Variants in ELP1 observed in about 807,000 individuals in gnomAD.
ELP1 encodes the protein elongator complex protein 1.
ELP1 carries 131 observed loss-of-function variants against 183.2 expected under a neutral mutation model. The ratio of observed to expected loss-of-function variants is 0.72; its 90% CI spans 0.62 to 0.83. ELP1 has a LOEUF of 0.83. ELP1 is among the 40% of genes least tolerant of loss of function. The probability of loss-of-function intolerance (pLI) is 0.00; values close to 1 mark genes in which losing one functional copy is unlikely to be tolerated. For synonymous variants in ELP1, 555 were observed against 569.0 expected, an observed-to-expected ratio of 0.98 and a Z score of 0.35; for missense variants, 1,550 against 1,594.9, an observed-to-expected ratio of 0.97 and a Z score of 0.48.
chr9:108,905,895 A>T (rs1429798367), intron 14 of ELP1, among the ~76,000 whole-genome samples: 1 of 136,986 alleles, frequency 7.3e-6, no homozygotes, highest in Non-Finnish European at 1.6e-5. Flanking sequence ...ACACACACAC[A>T]CACATATATG....
chr9:108,916,431 C>T (rs1387839540), intron 9 of ELP1, 134 bp from the exon 10 acceptor site: 2 of 741,218 alleles, frequency 2.7e-6, no homozygotes, highest in Non-Finnish European at 4.8e-6. Flanking sequence ...AATCACTAAC[C>T]TACAGAGGCA....
intron 18 of ELP1, 107 bp downstream of exon 18, chr9:108,901,318 G>C (rs1238148854): frequency 1.3e-6 from 1 of 766,124 alleles, no homozygotes; most frequent in Non-Finnish European, 2.3e-6. Context: ...CTCCAGCCTA[G>C]GACTCCTTGA....
At chr9:108,897,400 A>G (rs1039394623) in intron 22 of ELP1, 115 bp from the exon 23 acceptor site, 47 of 1,063,336 alleles carry the variant, frequency 4.4e-5, no homozygotes, top group Non-Finnish European at 6.6e-5. Flanking sequence ...TTTGGAAAAG[A>G]GTTGAATTAT....
At chr9:108,930,298 C>A (rs994129339) in intron 2 of ELP1, among the ~76,000 whole-genome samples, 11 of 152,306 alleles carry the variant, frequency 7.2e-5, no homozygotes, top group African/African-American at 2.6e-4. Flanking sequence ...GGGACCATAT[C>A]AAAACCAACC....
At chr9:108,888,169 A>G (rs1037165723) in intron 29 of ELP1, among the ~76,000 whole-genome samples, 1 of 152,182 alleles carries the variant, frequency 6.6e-6, no homozygotes, top group Non-Finnish European at 1.5e-5. Flanking sequence ...ACTACATACC[A>G]TATGGTTCTG....
At chr9:108,871,882 CTGCTGGCAT>C (rs1827471789) in intron 36 of ELP1, among the ~76,000 whole-genome samples, 1 of 152,206 alleles carries the variant, frequency 6.6e-6, no homozygotes, top group Non-Finnish European at 1.5e-5. Flanking sequence ...GTTTTCATGC[CTGCTGGCAT>C]AACTGCAGTG....
rs1410534323 is a variant in ELP1 at position 108,906,449 on chromosome 9, G to A, written c.1497C>T (p.Asn499=). ...QFENNEDQDV[N]PLKLGLLTWI... ...AAGTGAGAAGGCCTAGTTTCAGCGG[G>A]TTTACATCTTGATCTTCATTATTCT... Residue 499 remains asparagine (N), a synonymous_variant, in exon 14 of 37, where the codon AAC becomes AAT. Transcript: ENST00000374647. 1 of 1,613,774 alleles carries A rather than the reference G, an allele frequency of 6.2e-7. No individual in the cohort carries two copies. The highest frequency in any genetic ancestry group is 1.3e-5 in the African/African-American group (1 of 74,894).
At chr9:108,897,877 T>C (rs907464497) in intron 22 of ELP1, among the ~76,000 whole-genome samples, 1 of 152,164 alleles carries the variant, frequency 6.6e-6, no homozygotes, top group Non-Finnish European at 1.5e-5. Context: ...AGTGGCACAC[T>C]TAAGATTTGG....
chr9:108,908,783 A>C (rs953451724), intron 12 of ELP1, among the ~76,000 whole-genome samples: 4 of 152,220 alleles, frequency 2.6e-5, no homozygotes, highest in African/African-American at 9.6e-5. Flanking sequence ...GCAAGCCTTT[A>C]AAAAATTCAG....
rs1297053650 is a variant in ELP1 at position 108,906,467 on chromosome 9, A to G, written c.1479T>C (p.Asn493=). The G allele has an allele frequency of 6.2e-7, 1 of 1,613,646 alleles. No homozygotes were observed. The highest frequency in any genetic ancestry group is 1.3e-5 in the African/African-American group (1 of 74,912). ...TCAGCGGGTTTACATCTTGATCTTC[A>G]TTATTCTCAAACTGGATTCTATTGT... ...EKRYKIQFEN[N]EDQDVNPLKL... is the part of the protein sequence containing the mutation. The change falls in exon 14 of 37, where the codon AAT becomes AAC. Residue 493 remains asparagine (N), a synonymous_variant. Transcript: ENST00000374647.
In ELP1 at chr9:108,917,530, C is replaced by T. The variant is rs1829486519; in HGVS notation, c.864+17G>A. ...AAGTCCTCTACATTCGAGGGTGAAA[C>T]AAACTCAGGCACTTACCTTAACCTC... On this transcript the variant is annotated intron_variant, in intron 9 of 36. Coordinates refer to ENST00000374647, the MANE Select transcript of ELP1 (RefSeq NM_003640.5). 1 of 1,608,818 alleles carries T rather than the reference C, an allele frequency of 6.2e-7. No homozygotes were observed. The highest frequency in any genetic ancestry group is 1.1e-5 in the South Asian group (1 of 90,966).
At chr9:108,914,696 T>A (rs903709227) in intron 10 of ELP1, among the ~76,000 whole-genome samples, 4 of 152,134 alleles carry the variant, frequency 2.6e-5, no homozygotes, top group Non-Finnish European at 4.4e-5. Flanking sequence ...CGATCTCCAT[T>A]CACTGCAAGC....
At chr9:108,928,557 C>T (rs757896494) in intron 3 of ELP1, among the ~76,000 whole-genome samples, 1 of 152,062 alleles carries the variant, frequency 6.6e-6, no homozygotes, top group Non-Finnish European at 1.5e-5. Context: ...ATAAGGTTTA[C>T]GTACACACAG....
chr9:108,916,704 C>T (rs1005501258), intron 9 of ELP1, among the ~76,000 whole-genome samples: 16 of 151,984 alleles, frequency 1.1e-4, no homozygotes, highest in Admixed American at 2.0e-4. Flanking sequence ...ATTAAAACTC[C>T]AGGAAATAAA....
intron 6 of ELP1, 106 bp from the exon 7 acceptor site, chr9:108,919,455 A>G: frequency 1.4e-6 from 1 of 718,704 alleles, no homozygotes; most frequent in Non-Finnish European, 2.4e-6. Context: ...GGTTTAAGCT[A>G]CTTTGAAAGC....
rs771339771 is a variant in ELP1 at position 108,879,501 on chromosome 9, C to G, written c.3517G>C (p.Val1173Leu). 1 of 1,614,144 alleles carries G rather than the reference C, an allele frequency of 6.2e-7. No individual in the cohort carries two copies. Among genetic ancestry groups the G allele is most frequent in the South Asian group, 1.1e-5 (1 of 91,076 alleles). ...SDLFSETSSV[V>L]SGSEMSGKYS... Reference sequence around the variant, plus strand: ...TTGCCACTCATCTCACTGCCACTCACGACACTGCTAGTTTCAGAGAAGAGG... The same window carrying G: ...TTGCCACTCATCTCACTGCCACTCAGGACACTGCTAGTTTCAGAGAAGAGG... The change falls in exon 33 of 37, where the codon GTG becomes CTG. Residue 1173 changes from valine (V) to leucine (L), a missense_variant. Coordinates refer to ENST00000374647, the MANE Select transcript of ELP1 (RefSeq NM_003640.5).
chr9:108,889,606 T>G, intron 28 of ELP1: 1 of 608,952 alleles, frequency 1.6e-6, no homozygotes, highest in Non-Finnish European at 2.9e-6. Flanking sequence ...AAAATTAGCC[T>G]TGAAAGATGC....
chr9:108,881,210 CAATTACT>C (rs1827918022), intron 31 of ELP1, among the ~76,000 whole-genome samples: 2 of 152,156 alleles, frequency 1.3e-5, no homozygotes, highest in African/African-American at 4.8e-5. Flanking sequence ...TTTGATTTAC[CAATTACT>C]AACATTTTGA....
intron 19 of ELP1, 146 bp downstream of exon 19, chr9:108,900,114 T>G: frequency 1.3e-6 from 1 of 793,078 alleles, no homozygotes; most frequent in Non-Finnish European, 2.2e-6. Context: ...CTCCTTTGAA[T>G]AAAGCTAACA....
Sources: allele counts gnomAD v4.1 joint callset (sites outside exome capture counted in the v4.1 genomes callset), GRCh38; gene constraint gnomAD v4.1.1; transcripts MANE v1.5; gene names NCBI Gene and HGNC (gene_info 2026-07-23, HGNC 2026-07-21).